Variants in STARD9 observed in about 807,000 individuals in gnomAD.
STARD9 encodes stAR-related lipid transfer protein 9.
STARD9 carries 346 observed loss-of-function variants against 399.8 expected under a neutral mutation model. The observed-to-expected ratio is 0.87, with a 90% CI of 0.79 to 0.95. The LOEUF (loss-of-function observed/expected upper bound fraction) is 0.95, where lower values mean the gene tolerates loss of function less well. Ranked by LOEUF, STARD9 falls within the 40% of genes least tolerant of loss-of-function variation. The pLI is 0.00. For missense variants in STARD9, 5,832 were observed against 5,667.5 expected (o/e 1.03, Z -0.93); for synonymous variants, 2,203 against 2,143.5 (o/e 1.03, Z -0.77).
intron 1 of STARD9, among the ~76,000 whole-genome samples, chr15:42,580,642 C>T (rs1343643520): frequency 1.3e-5 from 2 of 152,060 alleles, no homozygotes; most frequent in African/African-American, 2.4e-5. Context: ...GGTGAAACCC[C>T]GTCTCAGCTA....
At chr15:42,657,699 C>T (rs781695486) in intron 9 of STARD9, among the ~76,000 whole-genome samples, 1 of 152,166 alleles carries the variant, frequency 6.6e-6, no homozygotes, top group Non-Finnish European at 1.5e-5. Flanking sequence ...TTTTCAAGTG[C>T]ACACGGAGCA....
At position 42,720,143 on chromosome 15, in the gene STARD9, TTTA is replaced by T. The variant is rs1286539088; in HGVS notation, c.*575_*577del. The T allele has an allele frequency of 6.6e-6, 1 of 152,370 alleles. No individual in the cohort carries two copies. Among genetic ancestry groups the T allele is most frequent in the African/African-American group, 2.4e-5 (1 of 41,450 alleles). The allele number at this position is 152,370 out of a possible 1,614,324, so 9.4% of individuals were successfully genotyped here. ...TCCCTCTTGAGTTTTTGCAAAATAC[TTTA>T]TTATTGATTTTTGCTTTTTTTCTCC... On this transcript the variant is annotated 3_prime_UTR_variant, in exon 33 of 33. Coordinates refer to ENST00000290607, the MANE Select transcript of STARD9 (RefSeq NM_020759.3).
Position 42,674,942 on chromosome 15 carries a change from T to G in STARD9, c.1665T>G (p.Thr555=). The G allele has an allele frequency of 1.3e-6, 2 of 1,535,996 alleles. No homozygotes were observed. Among genetic ancestry groups the G allele is most frequent in the Non-Finnish European group, 1.7e-6 (2 of 1,146,366 alleles). Residue 555 remains threonine, a synonymous_variant, in exon 18 of 33, where the codon ACT becomes ACG. Transcript: ENST00000290607. ...GTACAGTCAATGGCCGGGAGGTCAC[T>G]GCCTCCTGCCGTCTGACTCAAGGTA... ...ARCTVNGREV[T]ASCRLTQGAV...
intron 6 of STARD9, 119 bp from the exon 7 acceptor site, chr15:42,638,581 G>A: frequency 1.6e-6 from 1 of 636,084 alleles, no homozygotes; most frequent in East Asian, 2.9e-5. Context: ...CTTGATCATT[G>A]CCTTAGAGTG....
In STARD9 at chr15:42,682,122, GA is replaced by G; in HGVS notation, c.2085del (p.Glu696LysfsTer17). On this transcript the variant is annotated frameshift_variant, in exon 22 of 33. Transcript: ENST00000290607. LOFTEE classifies it high-confidence loss of function. ...QIKENQQCLL[R>X]EETWLASLQQ... ...TTCCCAGACCAGCAGTGTCTGCTCA[GA>G]GAAGAGACCTGGCTGGCCAGCTTGC... The G allele has an allele frequency of 3.3e-6, 5 of 1,537,074 alleles. No homozygotes were observed. Among genetic ancestry groups the G allele is most frequent in the Non-Finnish European group, 4.4e-6 (5 of 1,146,796 alleles).
intron 20 of STARD9, among the ~76,000 whole-genome samples, chr15:42,680,674 C>T (rs1011847571): frequency 4.6e-5 from 7 of 152,182 alleles, no homozygotes; most frequent in Admixed American, 1.3e-4. Context: ...AAATTATCAA[C>T]TTACGGCTAA....
chr15:42,598,866 A>C (rs953080441), intron 3 of STARD9, among the ~76,000 whole-genome samples: 1 of 152,098 alleles, frequency 6.6e-6, no homozygotes, highest in Admixed American at 6.6e-5. Flanking sequence ...GTGAAAGGCT[A>C]CTTTTATCAG....
At position 42,688,822 on chromosome 15, in the gene STARD9, C is replaced by T. The variant is rs2060622305; in HGVS notation, c.7244C>T (p.Ala2415Val). 5 of 1,537,312 alleles carry T rather than the reference C, an allele frequency of 3.3e-6. No homozygotes were observed. In the African/African-American group the frequency reaches 4.1e-5, roughly 13 times the overall value. ...TGGTGTGGGTCTGTGCGATCCATGG[C>T]CATGGGATCTCATAGTCAATCTGGT... Reference protein sequence around the residue: ...TAWCGSVRSMAMGSHSQSGVP... With the variant: ...TAWCGSVRSMVMGSHSQSGVP... Residue 2415 changes from alanine to valine, a missense_variant, in exon 23 of 33, where the codon GCC becomes GTC. This residue lies in a region of STARD9 where 5,828 missense variants were observed against 5,651.1 expected (regional missense o/e 1.03). Coordinates refer to ENST00000290607, the MANE Select transcript of STARD9 (RefSeq NM_020759.3).
In STARD9 at chr15:42,689,608, G is replaced by A. The variant is rs8030587; in HGVS notation, c.8030G>A (p.Arg2677His). The change falls in exon 23 of 33, where the codon CGT (arginine) becomes CAT (histidine). Residue 2677 changes from arginine to histidine, a missense_variant. Arg to His is a conservative substitution (Grantham distance 29). Around this residue, in one of 2 missense-constraint regions of STARD9, gnomAD observed 5,828 missense variants for 5,651.1 expected, o/e 1.03. Transcript: ENST00000290607. ...GCTGCTCCTGCTCAAGACAGGAAACGTCGTACTGGAGAACTGAGGCAGTTC... is the reference window on the plus strand; with the variant it reads ...GCTGCTCCTGCTCAAGACAGGAAACATCGTACTGGAGAACTGAGGCAGTTC... ...SHAAPAQDRKRRTGELRQFAG... is the reference protein window; with the variant it reads ...SHAAPAQDRKHRTGELRQFAG... 0.25 allele frequency: 381,392 copies of A among 1,537,068 alleles called. 64,581 individuals are homozygous for A. The highest frequency in any genetic ancestry group is 0.84 in the African/African-American group (61,763 of 73,094).
intron 7 of STARD9, 100 bp from the exon 8 acceptor site, chr15:42,650,916 T>C (rs1179174125): frequency 2.6e-6 from 2 of 775,788 alleles, no homozygotes; most frequent in African/African-American, 3.5e-5. Context: ...TTTTGTCTAT[T>C]AAACAATATG....
At position 42,718,401 on chromosome 15, in the gene STARD9, G is replaced by A. The variant is rs567957112; in HGVS notation, c.13763-34G>A. On this transcript the variant is annotated intron_variant, in intron 30 of 32. Transcript: ENST00000290607. ...GGCTTTAGGACTAGGTCTGTCCATG[G>A]GCCTCCTGACCTTCCTTATCCCTGT... 1.4e-5 allele frequency: 21 copies of A among 1,510,890 alleles called. No homozygotes were observed. The East Asian group carries it at 5.2e-4, about 37-fold the overall frequency. 93.6% of individuals were successfully genotyped at this position (1,510,890 alleles called of 1,614,324 possible). A position where few individuals can be genotyped will look rare whatever the true frequency, so the allele number is the denominator to read the frequency against.
At chr15:42,611,281 CATT>C (rs1465072480) in intron 3 of STARD9, among the ~76,000 whole-genome samples, 7 of 152,194 alleles carry the variant, frequency 4.6e-5, no homozygotes, top group Non-Finnish European at 7.3e-5. Context: ...GTGACAGAAA[CATT>C]ATGATCCACA....
intron 3 of STARD9, among the ~76,000 whole-genome samples, chr15:42,605,515 G>A (rs932932668): frequency 6.6e-6 from 1 of 152,190 alleles, no homozygotes; most frequent in Non-Finnish European, 1.5e-5. Flanking sequence ...ATCACCATCT[G>A]TATACAAATA....
intron 26 of STARD9, among the ~76,000 whole-genome samples, chr15:42,704,065 G>T (rs571609256): frequency 6.6e-6 from 1 of 151,926 alleles, no homozygotes; most frequent in Non-Finnish European, 1.5e-5. Context: ...CTGACACAGC[G>T]CCCGGCTAAT....
chr15:42,641,636 C>T (rs1327282707), intron 7 of STARD9, among the ~76,000 whole-genome samples: 1 of 148,774 alleles, frequency 6.7e-6, no homozygotes, highest in Non-Finnish European at 1.5e-5. Context: ...CAGAGTTTTG[C>T]ACTTATTGCC....
chr15:42,667,723 C>T (rs192352355), intron 15 of STARD9, among the ~76,000 whole-genome samples: 103 of 152,236 alleles, frequency 6.8e-4, no homozygotes, highest in Admixed American at 2.9e-3. Flanking sequence ...AGGTGATCCG[C>T]TTACCTCAGC....
chr15:42,685,082 C>T lies in STARD9; in HGVS notation c.3504C>T (p.Pro1168=). The change falls in exon 23 of 33, where the codon CCC becomes CCT. Residue 1168 remains proline, a synonymous_variant. Coordinates refer to ENST00000290607, the MANE Select transcript of STARD9 (RefSeq NM_020759.3). ...SPKNRLGGNR[P]TNNRGQPRTR... is the part of the protein sequence containing the mutation. Reference sequence around the variant, plus strand: ...AAAACAGGCTAGGGGGCAATCGTCCCACCAACAACCGTGGCCAACCCAGGA... The same window carrying T: ...AAAACAGGCTAGGGGGCAATCGTCCTACCAACAACCGTGGCCAACCCAGGA... The T allele has an allele frequency of 6.5e-7, 1 of 1,537,214 alleles. No homozygotes were observed. Among genetic ancestry groups the T allele is most frequent in the Non-Finnish European group, 8.7e-7 (1 of 1,146,928 alleles).
Position 42,684,787 on chromosome 15 carries a change from GAC to G in STARD9, c.3211_3212del (p.Gln1071ThrfsTer28). On this transcript the variant is annotated frameshift_variant, in exon 23 of 33. Transcript: ENST00000290607. LOFTEE classifies it high-confidence loss of function. The stretch of plus-strand genomic sequence containing the variant: ...TTGCCTCTTGGCAGTCCTTTGAAGA[GAC>G]AACAAAATACAAGGGACCCAGACAC... 1 of 1,537,212 alleles carries G rather than the reference GAC, an allele frequency of 6.5e-7. No individual in the cohort carries two copies. Among genetic ancestry groups the G allele is most frequent in the Non-Finnish European group, 8.7e-7 (1 of 1,146,920 alleles).
chr15:42,657,707 G>C (rs1199779173), intron 9 of STARD9, among the ~76,000 whole-genome samples: 1 of 152,176 alleles, frequency 6.6e-6, no homozygotes, highest in Non-Finnish European at 1.5e-5. Context: ...TGCACACGGA[G>C]CATTCTCTGA....
Sources: allele counts gnomAD v4.1 joint callset (sites outside exome capture counted in the v4.1 genomes callset), GRCh38; gene constraint gnomAD v4.1.1; regional missense constraint gnomAD v4.1.1; transcripts MANE v1.5; gene names NCBI Gene and HGNC (gene_info 2026-07-23, HGNC 2026-07-21).